CENPQ: variants seen among roughly 807,000 people sequenced by gnomAD.
The protein encoded by CENPQ is chromosome 6 open reading frame 139.
A neutral mutation model predicts 36.6 loss-of-function variants in CENPQ; 27 were observed. The ratio of observed to expected loss-of-function variants is 0.74; its 90% CI spans 0.54 to 1.02. CENPQ has a LOEUF of 1.02. CENPQ is among the 50% of genes least tolerant of loss of function. The pLI, the probability that CENPQ is intolerant of heterozygous loss-of-function variation, is 0.00. For synonymous variants in CENPQ, 101 were observed against 101.7 expected, an observed-to-expected ratio of 0.99 and a Z score of 0.04; for missense variants, 306 against 301.8, an observed-to-expected ratio of 1.01 and a Z score of -0.10.
At chr6:49,463,655 G>A (rs957530952) in intron 1 of CENPQ, among the ~76,000 whole-genome samples, 1 of 152,172 alleles carries the variant, frequency 6.6e-6, no homozygotes, top group African/African-American at 2.4e-5. Flanking sequence ...AGGGAGCAAA[G>A]CCATGAATAC....
intron 5 of CENPQ, among the ~76,000 whole-genome samples, chr6:49,474,386 T>A (rs1768222455): frequency 6.6e-6 from 1 of 152,000 alleles, no homozygotes; most frequent in Non-Finnish European, 1.5e-5. Flanking sequence ...CTCAACTACA[T>A]GGAAACTGAA....
intron 1 of CENPQ, among the ~76,000 whole-genome samples, chr6:49,465,940 G>GT (rs1767990080): frequency 6.6e-6 from 1 of 152,294 alleles, no homozygotes; most frequent in East Asian, 1.9e-4. Flanking sequence ...AACTGGTGTA[G>GT]TTTCCAGCCT....
At chr6:49,481,570 G>A (rs945230276) in intron 6 of CENPQ, among the ~76,000 whole-genome samples, 1 of 152,200 alleles carries the variant, frequency 6.6e-6, no homozygotes, top group Non-Finnish European at 1.5e-5. Context: ...CATGGAAGGG[G>A]ACCCGAGAGG....
At chr6:49,489,989 G>A (rs974195418) in intron 8 of CENPQ, among the ~76,000 whole-genome samples, 1 of 152,186 alleles carries the variant, frequency 6.6e-6, no homozygotes, top group African/African-American at 2.4e-5. Flanking sequence ...AGGACCCTGG[G>A]ATTTTCAGAA....
At chr6:49,474,804 A>G (rs1215509876) in intron 5 of CENPQ, among the ~76,000 whole-genome samples, 3 of 152,212 alleles carry the variant, frequency 2.0e-5, no homozygotes, top group Non-Finnish European at 2.9e-5. Context: ...AATAGATGCA[A>G]TAAAAAACTG....
chr6:49,491,128 T>C (rs1185724853), intron 8 of CENPQ, among the ~76,000 whole-genome samples: 1 of 152,242 alleles, frequency 6.6e-6, no homozygotes, highest in East Asian at 1.9e-4. Flanking sequence ...TGAGGCATCC[T>C]GGTATATCAT....
chr6:49,486,468 A>G (rs1255738303), intron 6 of CENPQ, among the ~76,000 whole-genome samples: 1 of 152,228 alleles, frequency 6.6e-6, no homozygotes, highest in Middle Eastern at 3.2e-3. Flanking sequence ...ACCAGGGAAT[A>G]CAGTTCACAA....
chr6:49,481,120 G>C (rs1216737392), intron 6 of CENPQ, 40 bp downstream of exon 6: 7 of 1,522,650 alleles, frequency 4.6e-6, no homozygotes, highest in Non-Finnish European at 6.2e-6. Flanking sequence ...TAGAGAGTTA[G>C]GGAAAGGGAA....
intron 1 of CENPQ, among the ~76,000 whole-genome samples, chr6:49,467,492 A>G (rs1441185713): frequency 6.6e-6 from 1 of 152,222 alleles, no homozygotes; most frequent in Non-Finnish European, 1.5e-5. Flanking sequence ...ACTGTTCTGA[A>G]AAAAGTCTTT....
intron 5 of CENPQ, among the ~76,000 whole-genome samples, chr6:49,473,474 A>C (rs1022447465): frequency 1.3e-5 from 2 of 152,166 alleles, no homozygotes; most frequent in African/African-American, 4.8e-5. Context: ...AAATGCTGAG[A>C]GATTTTGTCA....
chr6:49,488,287 ATC>A (rs1768636271), intron 6 of CENPQ, 63 bp from the exon 7 acceptor site: 1 of 1,256,730 alleles, frequency 8.0e-7, no homozygotes, highest in African/African-American at 1.5e-5. Context: ...GTATAACAAT[ATC>A]TATTAGGATT....
At chr6:49,477,566 T>TTA (rs1554162830) in intron 5 of CENPQ, among the ~76,000 whole-genome samples, 2 of 132,530 alleles carry the variant, frequency 1.5e-5, no homozygotes, top group African/African-American at 5.7e-5. Context: ...TAAAGTATAA[T>TTA]AAAAAAAAAA....
chr6:49,487,168 A>AAAAAAAAAAAAAAATGGTACTGAGTTG (rs541811843), intron 6 of CENPQ, among the ~76,000 whole-genome samples: 1 of 72,214 alleles, frequency 1.4e-5, no homozygotes, highest in Non-Finnish European at 3.3e-5. Context: ...AAAAAAAAAA[A>AAAAAAAAAAAAAAATGGTACTGAGTTG]ATAAAAAAAA....
chr6:49,490,588 G>A (rs541537908), intron 8 of CENPQ, among the ~76,000 whole-genome samples: 29 of 152,314 alleles, frequency 1.9e-4, no homozygotes, highest in Admixed American at 9.8e-4. Flanking sequence ...CAACTTGGGC[G>A]TTTGGCACAA....
chr6:49,492,137 C>G lies in CENPQ; in HGVS notation c.676-7C>G. 6.3e-7 allele frequency: 1 copy of G among 1,593,778 alleles called. No homozygotes were observed. The highest frequency in any genetic ancestry group is 8.5e-7 in the Non-Finnish European group (1 of 1,172,368). On this transcript the variant is annotated splice_polypyrimidine_tract_variant and splice_region_variant and intron_variant, in intron 8 of 8. Transcript: ENST00000335783. Reference sequence around the variant, plus strand: ...AACAACTACATTTAATACTATCTTTCCCACAGAAAGAAATTTTGGCGCTAA... The same window carrying G: ...AACAACTACATTTAATACTATCTTTGCCACAGAAAGAAATTTTGGCGCTAA...
chr6:49,481,763 C>T (rs1349177138), intron 6 of CENPQ, among the ~76,000 whole-genome samples: 2 of 152,190 alleles, frequency 1.3e-5, no homozygotes, highest in Non-Finnish European at 2.9e-5. Context: ...GTTGGCTTCA[C>T]CCAGTGGAGC....
intron 6 of CENPQ, among the ~76,000 whole-genome samples, chr6:49,483,707 C>T (rs529112202): frequency 6.6e-6 from 1 of 152,228 alleles, no homozygotes; most frequent in Non-Finnish European, 1.5e-5. Flanking sequence ...CCAGCTGCTC[C>T]AAGTGTGGGG....
intron 6 of CENPQ, among the ~76,000 whole-genome samples, 158 bp from the exon 7 acceptor site, chr6:49,488,194 T>G (rs1291102461): frequency 6.6e-6 from 1 of 152,216 alleles, no homozygotes; most frequent in Non-Finnish European, 1.5e-5. Context: ...AAGAAGTCTC[T>G]TTTTTGAAAG....
chr6:49,475,060 C>G (rs1238070760), intron 5 of CENPQ, among the ~76,000 whole-genome samples: 1 of 152,112 alleles, frequency 6.6e-6, no homozygotes, highest in Non-Finnish European at 1.5e-5. Context: ...AGATTCACAG[C>G]CGAATTCTAC....
Sources: gnomAD v4.1 joint callset for allele counts (sites outside exome capture counted in the v4.1 genomes callset) on GRCh38, gnomAD v4.1.1 for gene constraint, MANE v1.5 for transcripts, NCBI Gene and HGNC (gene_info 2026-07-23, HGNC 2026-07-21) for gene names.